Variants in FAM91A1 observed in about 807,000 individuals in gnomAD.
FAM91A1 encodes protein FAM91A1.
A neutral mutation model predicts 113.5 loss-of-function variants in FAM91A1; 41 were observed. That is an observed-to-expected ratio of 0.36 (90% CI 0.28 to 0.47). The LOEUF (loss-of-function observed/expected upper bound fraction) is 0.47, where lower values mean the gene tolerates loss of function less well. Among genes scored for constraint, FAM91A1 ranks in the 20% least tolerant of loss-of-function variants. The probability of loss-of-function intolerance (pLI) is 1.00; values close to 1 mark genes in which losing one functional copy is unlikely to be tolerated. For missense variants in FAM91A1, 696 were observed against 1,001.2 expected (o/e 0.70, Z 4.11); for synonymous variants, 307 against 347.9 (o/e 0.88, Z 1.31).
intron 1 of FAM91A1, among the ~76,000 whole-genome samples, chr8:123,773,673 C>T (rs560899577): frequency 6.6e-6 from 1 of 152,226 alleles, no homozygotes; most frequent in African/African-American, 2.4e-5. Flanking sequence ...ATGTATCTGT[C>T]CTTAGTTGCC....
intron 18 of FAM91A1, 130 bp from the exon 19 acceptor site, chr8:123,805,137 T>A: frequency 1.5e-6 from 1 of 661,276 alleles, no homozygotes. Context: ...AATAGAAAAT[T>A]GTTGAAAGAA....
At position 123,792,648 on chromosome 8, in the gene FAM91A1, A is replaced by G. The variant is rs150982354; in HGVS notation, c.1411+2903A>G. Among the ~76,000 whole-genome samples the G allele has an allele frequency of 4.0e-4, 61 of 152,352 alleles. 1 individual carries two copies. The highest frequency in any genetic ancestry group is 1.3e-3 in the African/African-American group (55 of 41,592). On this transcript the variant is annotated intron_variant, in intron 15 of 23. Transcript: ENST00000334705. ...CTATTAGAAACGTGTTCTAACCACC[A>G]TGAACTCTTTAGACTTCCTACTTTC... is the stretch of plus-strand genomic sequence containing the variant.
At chr8:123,775,336 T>C (rs986987130) in intron 3 of FAM91A1, 38 bp downstream of exon 3, 2 of 1,594,684 alleles carry the variant, frequency 1.3e-6, no homozygotes, top group African/African-American at 2.7e-5. Flanking sequence ...GGGAATGGGA[T>C]GGGACTACAT....
Position 123,813,934 on chromosome 8 carries a change from G to T in FAM91A1, c.*1230G>T, listed in dbSNP as rs1355725573. 23 of 211,788 alleles carry T rather than the reference G, an allele frequency of 1.1e-4. No individual in the cohort carries two copies. In the South Asian group the frequency reaches 1.4e-3, roughly 13 times the overall value. 13.1% of individuals were successfully genotyped at this position (211,788 alleles called of 1,614,324 possible). A position where few individuals can be genotyped will look rare whatever the true frequency, so the allele number is the denominator to read the frequency against. On this transcript the variant is annotated 3_prime_UTR_variant, in exon 24 of 24. Transcript: ENST00000334705. ...ACACTTAAAATGTTAGGAAGTTTGG[G>T]AATGTTATAACCTAAACGTTTTTGC...
chr8:123,773,739 A>AT (rs1563634957), intron 1 of FAM91A1, among the ~76,000 whole-genome samples: 1 of 152,220 alleles, frequency 6.6e-6, no homozygotes, highest in East Asian at 1.9e-4. Context: ...ACCACTTAAT[A>AT]TAGCAGTCAG....
At chr8:123,781,959 A>G (rs536799165) in intron 8 of FAM91A1, among the ~76,000 whole-genome samples, 145 of 152,358 alleles carry the variant, frequency 9.5e-4, no homozygotes, top group Admixed American at 2.0e-3. Flanking sequence ...GGAAAATATG[A>G]AAGTATTACT....
intron 5 of FAM91A1, 63 bp from the exon 6 acceptor site, chr8:123,778,596 A>T (rs1259370211): frequency 9.0e-7 from 1 of 1,105,578 alleles, no homozygotes; most frequent in Admixed American, 1.8e-5. Context: ...TTATGATATG[A>T]TTGATGAAAG....
At chr8:123,778,547 A>G in intron 5 of FAM91A1, 112 bp from the exon 6 acceptor site, 1 of 692,744 alleles carries the variant, frequency 1.4e-6, no homozygotes. Flanking sequence ...AAACATGAAG[A>G]TTTTAAGAAG....
intron 2 of FAM91A1, 51 bp from the exon 3 acceptor site, chr8:123,775,096 A>G (rs770864530): frequency 1.0e-5 from 15 of 1,491,206 alleles, no homozygotes; most frequent in Non-Finnish European, 1.3e-5. Flanking sequence ...TAGTTAATAT[A>G]TAACTATAAG....
chr8:123,794,781 C>T (rs919125951), intron 15 of FAM91A1, among the ~76,000 whole-genome samples: 1 of 152,154 alleles, frequency 6.6e-6, no homozygotes, highest in Non-Finnish European at 1.5e-5. Flanking sequence ...GGAAATTCTC[C>T]CAAGAAGCGG....
Position 123,787,273 on chromosome 8 carries a change from G to A in FAM91A1, c.1091G>A (p.Ser364Asn). Reference protein sequence around the residue: ...NSQEDPADTASVSSLSLSTGH... With the variant: ...NSQEDPADTANVSSLSLSTGH... ...TGGTGTTTTTCAGCTGACACAGCCA[G>A]TGTAAGCAGCCTGAGTCTGTCTACA... is the stretch of plus-strand genomic sequence containing the variant. The change falls in exon 13 of 24, where the codon AGT (serine) becomes AAT (asparagine). Residue 364 changes from serine to asparagine, a missense_variant. Transcript: ENST00000334705. The A allele has an allele frequency of 6.2e-7, 1 of 1,610,128 alleles. No homozygotes were observed. The highest frequency in any genetic ancestry group is 8.5e-7 in the Non-Finnish European group (1 of 1,178,576).
chr8:123,798,848 C>T (rs756303985), intron 16 of FAM91A1, among the ~76,000 whole-genome samples: 8 of 152,138 alleles, frequency 5.3e-5, no homozygotes, highest in African/African-American at 9.7e-5. Flanking sequence ...GATTCTTGTA[C>T]GCAGGTAATT....
At chr8:123,790,871 A>G (rs960242456) in intron 15 of FAM91A1, among the ~76,000 whole-genome samples, 1 of 152,206 alleles carries the variant, frequency 6.6e-6, no homozygotes, top group Admixed American at 6.5e-5. Flanking sequence ...GAGAATATTA[A>G]ATTGCCAAAT....
At chr8:123,770,683 A>C (rs1814817654) in intron 1 of FAM91A1, among the ~76,000 whole-genome samples, 1 of 152,226 alleles carries the variant, frequency 6.6e-6, no homozygotes, top group African/African-American at 2.4e-5. Context: ...TCCAACATGA[A>C]TATTTGACTT....
intron 16 of FAM91A1, among the ~76,000 whole-genome samples, 158 bp from the exon 17 acceptor site, chr8:123,799,362 A>G (rs1815619898): frequency 6.6e-6 from 1 of 152,258 alleles, no homozygotes; most frequent in African/African-American, 2.4e-5. Flanking sequence ...TAATTCCAGT[A>G]TAAAATTGAA....
rs1451972657 is a variant in FAM91A1, at chr8:123,785,705, C to T, written c.926C>T (p.Ser309Leu). The T allele has an allele frequency of 2.5e-6, 4 of 1,609,200 alleles. No individual in the cohort carries two copies. In the Admixed American group the frequency reaches 5.1e-5, roughly 21 times the overall value. Residue 309 changes from serine to leucine, a missense_variant, in exon 11 of 24, where the codon TCA becomes TTA. Ser to Leu is a moderately radical substitution (Grantham distance 145). Transcript: ENST00000334705. The part of the protein sequence containing the change: ...GQVINLDQLH[S>L]SWKNVPSVNR... Reference sequence around the variant, plus strand: ...GTAATTAATTTGGATCAACTTCATTCATCATGGAAGAATGTTCCATCCGTA... The same window carrying T: ...GTAATTAATTTGGATCAACTTCATTTATCATGGAAGAATGTTCCATCCGTA...
At chr8:123,781,620 G>C (rs1175614534) in intron 8 of FAM91A1, among the ~76,000 whole-genome samples, 1 of 151,820 alleles carries the variant, frequency 6.6e-6, no homozygotes, top group Non-Finnish European at 1.5e-5. Context: ...TGGGATTATA[G>C]GCACCCACCA....
At chr8:123,777,122 C>T in intron 3 of FAM91A1, 143 bp from the exon 4 acceptor site, 1 of 590,418 alleles carries the variant, frequency 1.7e-6, no homozygotes, top group Non-Finnish European at 2.9e-6. Flanking sequence ...CACAGGGTGG[C>T]ATGTATGCTC....
At chr8:123,777,848 C>G (rs1190794155) in intron 4 of FAM91A1, among the ~76,000 whole-genome samples, 177 bp from the exon 5 acceptor site, 1 of 152,160 alleles carries the variant, frequency 6.6e-6, no homozygotes, top group African/African-American at 2.4e-5. Flanking sequence ...ATTCATCTCT[C>G]CCAAAGTTTA....
Sources: allele counts gnomAD v4.1 joint callset (sites outside exome capture counted in the v4.1 genomes callset), GRCh38; gene constraint gnomAD v4.1.1; transcripts MANE v1.5; gene names NCBI Gene and HGNC (gene_info 2026-07-23, HGNC 2026-07-21).